POLA1: variants seen among roughly 807,000 people sequenced by gnomAD.
The protein encoded by POLA1 is DNA polymerase alpha 1, catalytic subunit, also known as DNA polymerase alpha catalytic subunit.
A neutral mutation model predicts 124.0 loss-of-function variants in POLA1; 15 were observed. The observed-to-expected ratio is 0.12, with a 90% CI of 0.08 to 0.19. The LOEUF is 0.19. POLA1 is among the 10% of genes least tolerant of loss of function. POLA1 has a pLI of 1.00. For synonymous variants in POLA1, 408 were observed against 389.4 expected, an observed-to-expected ratio of 1.05 and a Z score of -0.56; for missense variants, 886 against 1,103.4, an observed-to-expected ratio of 0.80 and a Z score of 2.79.
chrX:24,845,495 A>G (rs545922614), intron 34 of POLA1, among the ~76,000 whole-genome samples: 5 of 112,243 alleles, frequency 4.5e-5, no homozygotes, highest in African/African-American at 1.6e-4. Context: ...AAATATTTCA[A>G]ATATTTTCCA....
intron 26 of POLA1, among the ~76,000 whole-genome samples, chrX:24,765,304 G>GT (rs779696573): frequency 0.012 from 1,119 of 89,652 alleles, 9 homozygotes; most frequent in Non-Finnish European, 0.017. Context: ...TTTTTTTTTT[G>GT]TTTTTTTTTT....
At chrX:24,883,507 C>T (rs1386333274) in intron 34 of POLA1, among the ~76,000 whole-genome samples, 1 of 112,046 alleles carries the variant, frequency 8.9e-6, no homozygotes, top group Non-Finnish European at 1.9e-5. Context: ...GCAGAAGAAG[C>T]CATTTTAGTT....
chrX:24,928,989 G>A (rs2047733884), intron 35 of POLA1, among the ~76,000 whole-genome samples: 1 of 111,891 alleles, frequency 8.9e-6, no homozygotes, highest in Non-Finnish European at 1.9e-5. Context: ...ATGTGGGTTT[G>A]TTCCTGCTAC....
intron 26 of POLA1, among the ~76,000 whole-genome samples, chrX:24,800,121 T>C (rs1445803937): frequency 9.0e-6 from 1 of 111,558 alleles, no homozygotes; most frequent in Non-Finnish European, 1.9e-5. Context: ...AAACTGTAGG[T>C]AGGGGCTGAA....
chrX:24,702,591 ACT>A (rs774934270), intron 2 of POLA1, among the ~76,000 whole-genome samples: 1 of 111,844 alleles, frequency 8.9e-6, no homozygotes, highest in South Asian at 3.7e-4. Flanking sequence ...AGGACCTGCC[ACT>A]CTCTGGACTT....
chrX:24,744,913 T>C (rs11573367), intron 23 of POLA1, among the ~76,000 whole-genome samples: 9,892 of 99,307 alleles, frequency 0.1, 1,363 homozygotes, highest in African/African-American at 0.35. Context: ...GATTGCGCCA[T>C]GGCACTCCAT....
At chrX:24,886,286 C>A (rs747024849) in intron 34 of POLA1, among the ~76,000 whole-genome samples, 7 of 111,661 alleles carry the variant, frequency 6.3e-5, no homozygotes, top group Non-Finnish European at 1.1e-4. Context: ...TAATGTAATT[C>A]TGGGCATATA....
chrX:24,755,186 A>C (rs1162171831), intron 26 of POLA1, among the ~76,000 whole-genome samples: 5 of 112,514 alleles, frequency 4.4e-5, no homozygotes, highest in African/African-American at 9.7e-5. Flanking sequence ...GGCTGGAGCC[A>C]CAATACGTAA....
At chrX:24,902,222 C>T (rs1167300139) in intron 35 of POLA1, among the ~76,000 whole-genome samples, 1 of 111,955 alleles carries the variant, frequency 8.9e-6, no homozygotes. Context: ...GAGAAGATTG[C>T]ATAGAAAAGG....
At chrX:24,772,628 TGAGAACACA>T (rs2045062059) in intron 26 of POLA1, among the ~76,000 whole-genome samples, 1 of 110,793 alleles carries the variant, frequency 9.0e-6, no homozygotes, top group African/African-American at 3.3e-5. Context: ...CACTTATAAG[TGAGAACACA>T]CGGTATTTGG....
intron 20 of POLA1, among the ~76,000 whole-genome samples, chrX:24,741,138 TGTGTGTGTGC>T (rs1365298394): frequency 2.4e-5 from 2 of 85,096 alleles, no homozygotes; most frequent in Non-Finnish European, 5.1e-5. Context: ...TGTGTGTGTG[TGTGTGTGTGC>T]GCGCGTGTGT....
At chrX:24,788,460 C>T (rs768219216) in intron 26 of POLA1, 1 of 1,194,714 alleles carries the variant, frequency 8.4e-7, no homozygotes. Flanking sequence ...ATCTGCTCCT[C>T]CAGCATATCT....
intron 26 of POLA1, among the ~76,000 whole-genome samples, chrX:24,793,079 C>T (rs113697234): frequency 0.061 from 6,622 of 109,250 alleles, 502 homozygotes; most frequent in African/African-American, 0.21. Context: ...GAGTTCAAGA[C>T]CAGCCTGGCC....
At chrX:24,960,605 C>T (rs895735075) in intron 36 of POLA1, among the ~76,000 whole-genome samples, 4 of 111,962 alleles carry the variant, frequency 3.6e-5, no homozygotes, top group Middle Eastern at 4.6e-3. Context: ...GATAAAATGG[C>T]AAAATGTTTA....
intron 35 of POLA1, among the ~76,000 whole-genome samples, chrX:24,889,954 T>C (rs1394422810): frequency 1.8e-5 from 2 of 112,375 alleles, no homozygotes; most frequent in African/African-American, 6.5e-5. Flanking sequence ...CTACCATCGT[T>C]GTGTATTCAG....
At chrX:24,942,479 A>G (rs2047918223) in intron 36 of POLA1, among the ~76,000 whole-genome samples, 1 of 111,955 alleles carries the variant, frequency 8.9e-6, no homozygotes, top group Admixed American at 9.5e-5. Flanking sequence ...CTTAAAGAGT[A>G]TGTGAGATTT....
chrX:24,717,845 T>C, intron 10 of POLA1, 87 bp downstream of exon 10: 1 of 628,024 alleles, frequency 1.6e-6, no homozygotes. Flanking sequence ...TTTTTGTGTG[T>C]TTTGTCTTTT....
intron 36 of POLA1, among the ~76,000 whole-genome samples, chrX:24,993,352 G>T (rs1194677992): frequency 8.9e-6 from 1 of 112,493 alleles, no homozygotes; most frequent in East Asian, 2.8e-4. Context: ...GATGGCTGCG[G>T]ATCTTCTCTG....
chrX:24,886,829 CT>C (rs1415224148), intron 34 of POLA1, among the ~76,000 whole-genome samples: 1 of 112,179 alleles, frequency 8.9e-6, no homozygotes, highest in Non-Finnish European at 1.9e-5. Flanking sequence ...GGCCTGCATT[CT>C]TTGACATACA....
Sources: allele counts gnomAD v4.1 joint callset (sites outside exome capture counted in the v4.1 genomes callset), GRCh38; gene constraint gnomAD v4.1.1; transcripts MANE v1.5; gene names NCBI Gene and HGNC (gene_info 2026-07-23, HGNC 2026-07-21).